The following ATP13A4 variants were observed in gnomAD, a reference collection of about 807,000 sequenced individuals.
The protein encoded by ATP13A4 is probable cation-transporting ATPase 13A4.
Under a neutral mutation model 142.5 loss-of-function variants are expected in ATP13A4, and 114 were observed. The observed-to-expected ratio is 0.80, with a 90% CI of 0.69 to 0.93. The LOEUF (loss-of-function observed/expected upper bound fraction) is 0.93, where lower values mean the gene tolerates loss of function less well. Ranked by LOEUF, ATP13A4 falls within the 40% of genes least tolerant of loss-of-function variation. The pLI, the probability that ATP13A4 is intolerant of heterozygous loss-of-function variation, is 0.00. For synonymous variants in ATP13A4, 488 were observed against 514.8 expected (o/e 0.95, Z 0.70); for missense variants, 1,392 against 1,454.0 (o/e 0.96, Z 0.69).
intron 25 of ATP13A4, among the ~76,000 whole-genome samples, chr3:193,424,014 G>A (rs1715526992): frequency 6.7e-6 from 1 of 149,294 alleles, no homozygotes; most frequent in African/African-American, 2.5e-5. Flanking sequence ...AAAATCAGTA[G>A]CTTTTATATA....
intron 25 of ATP13A4, among the ~76,000 whole-genome samples, chr3:193,427,165 G>A (rs1425330418): frequency 6.6e-6 from 1 of 151,940 alleles, no homozygotes; most frequent in African/African-American, 2.4e-5. Flanking sequence ...ACCACTAACA[G>A]AGAAACAGCC....
chr3:193,496,868 C>T (rs190699915), intron 3 of ATP13A4, among the ~76,000 whole-genome samples: 2 of 151,766 alleles, frequency 1.3e-5, no homozygotes, highest in East Asian at 1.9e-4. Context: ...AATCCACATG[C>T]AGAAGAATTA....
chr3:193,410,199 A>C (rs1714695285), intron 28 of ATP13A4, among the ~76,000 whole-genome samples: 1 of 152,190 alleles, frequency 6.6e-6, no homozygotes, highest in Non-Finnish European at 1.5e-5. Flanking sequence ...ATGAGGAAAA[A>C]TATGGCTCTT....
intron 25 of ATP13A4, among the ~76,000 whole-genome samples, chr3:193,424,151 C>T (rs899166648): frequency 2.1e-5 from 3 of 143,804 alleles, no homozygotes; most frequent in African/African-American, 7.6e-5. Flanking sequence ...ATACTGGAAA[C>T]TATAAAACAC....
At chr3:193,496,797 CATAA>C (rs4019217) in intron 3 of ATP13A4, among the ~76,000 whole-genome samples, 42,641 of 145,418 alleles carry the variant, frequency 0.29, 6,327 homozygotes, top group African/African-American at 0.33. Context: ...TCTCAAAATA[CATAA>C]ATAAATAAAT....
intron 23 of ATP13A4, among the ~76,000 whole-genome samples, 192 bp from the exon 24 acceptor site, chr3:193,435,936 G>C (rs1716242408): frequency 6.6e-6 from 1 of 152,166 alleles, no homozygotes; most frequent in Non-Finnish European, 1.5e-5. Context: ...TTTCAAGAAA[G>C]GCCAATTCCA....
chr3:193,409,586 G>C (rs941326920), intron 28 of ATP13A4, among the ~76,000 whole-genome samples: 2 of 151,806 alleles, frequency 1.3e-5, no homozygotes, highest in African/African-American at 4.8e-5. Context: ...AACTGACTTA[G>C]AAGACCAGTG....
intron 2 of ATP13A4, among the ~76,000 whole-genome samples, chr3:193,562,484 G>A (rs560608908): frequency 2.0e-4 from 30 of 152,276 alleles, no homozygotes; most frequent in African/African-American, 6.7e-4. Context: ...AAACAAAAGA[G>A]TCCATAGACT....
chr3:193,567,902 G>C (rs1298582715), intron 2 of ATP13A4, among the ~76,000 whole-genome samples: 1 of 152,116 alleles, frequency 6.6e-6, no homozygotes. Flanking sequence ...AGACCTGCAT[G>C]GTTGTGCCTT....
intron 22 of ATP13A4, 53 bp downstream of exon 22, chr3:193,438,970 C>CT (rs1716463208): frequency 1.3e-6 from 2 of 1,535,074 alleles, no homozygotes; most frequent in Non-Finnish European, 1.8e-6. Flanking sequence ...CTCTAAAGGG[C>CT]TTAAGTGTAA....
chr3:193,438,433 G>C (rs778179235), intron 23 of ATP13A4, 42 bp downstream of exon 23: 1 of 1,468,712 alleles, frequency 6.8e-7, no homozygotes, highest in Non-Finnish European at 9.5e-7. Context: ...TGCACCAGAA[G>C]TCAAGAGAGA....
At chr3:193,487,510 C>A (rs781523581) in intron 7 of ATP13A4, among the ~76,000 whole-genome samples, 1 of 152,146 alleles carries the variant, frequency 6.6e-6, no homozygotes, top group South Asian at 2.1e-4. Flanking sequence ...GAGACGAGGT[C>A]TCACTATGTT....
intron 1 of ATP13A4, among the ~76,000 whole-genome samples, chr3:193,539,788 T>C (rs1673671531): frequency 6.6e-6 from 1 of 152,214 alleles, no homozygotes; most frequent in Non-Finnish European, 1.5e-5. Flanking sequence ...TGCTTAGCAA[T>C]GGGTATAGGA....
chr3:193,493,065 G>T, intron 4 of ATP13A4, 25 bp downstream of exon 4: 1 of 1,608,400 alleles, frequency 6.2e-7, no homozygotes, highest in Non-Finnish European at 8.5e-7. Flanking sequence ...TTTCTTCTTT[G>T]GCTGTACTTG....
intron 21 of ATP13A4, 153 bp downstream of exon 21, chr3:193,440,405 T>C (rs753527068): frequency 7.1e-7 from 1 of 1,408,242 alleles, no homozygotes; most frequent in African/African-American, 1.4e-5. Flanking sequence ...TTGGTACTGC[T>C]ATTTTCTCCA....
intron 3 of ATP13A4, among the ~76,000 whole-genome samples, chr3:193,497,387 A>T (rs1720302380): frequency 6.6e-6 from 1 of 152,218 alleles, no homozygotes; most frequent in Admixed American, 6.5e-5. Flanking sequence ...CACTCCAGTT[A>T]GAATGCTATT....
intron 12 of ATP13A4, among the ~76,000 whole-genome samples, chr3:193,464,498 T>C (rs1420166454): frequency 6.6e-6 from 1 of 152,254 alleles, no homozygotes; most frequent in Non-Finnish European, 1.5e-5. Context: ...ATGAGTATCA[T>C]AGTAAGGCAC....
chr3:193,520,576 G>A (rs2108689776), intron 1 of ATP13A4, among the ~76,000 whole-genome samples: 1 of 152,174 alleles, frequency 6.6e-6, no homozygotes, highest in South Asian at 2.1e-4. Flanking sequence ...GCCCTGGAAG[G>A]GACAAACTGG....
intron 1 of ATP13A4, among the ~76,000 whole-genome samples, chr3:193,523,950 C>G (rs1026007333): frequency 7.2e-5 from 11 of 152,122 alleles, no homozygotes; most frequent in African/African-American, 2.7e-4. Flanking sequence ...CTCAGTTTCT[C>G]TTTCTTGCTT....
Sources: allele counts gnomAD v4.1 joint callset (sites outside exome capture counted in the v4.1 genomes callset), GRCh38; gene constraint gnomAD v4.1.1; transcripts MANE v1.5; gene names NCBI Gene and HGNC (gene_info 2026-07-23, HGNC 2026-07-21).